TOMM40L: variants seen among roughly 807,000 people sequenced by gnomAD.
TOMM40L encodes the protein translocase of outer mitochondrial membrane 40 like.
In TOMM40L, 17 loss-of-function variants were observed where a neutral mutation model predicts 38.3. The observed-to-expected ratio is 0.44, with a 90% CI of 0.30 to 0.67. The LOEUF is 0.67. Ranked by LOEUF, TOMM40L falls within the 30% of genes least tolerant of loss-of-function variation. The pLI is 0.08. For synonymous variants in TOMM40L, 151 were observed against 150.2 expected, an observed-to-expected ratio of 1.01 and a Z score of -0.04; for missense variants, 294 against 390.0, an observed-to-expected ratio of 0.75 and a Z score of 2.07.
chr1:161,230,182 C>A lies in TOMM40L; in HGVS notation c.*1087C>A. The A allele has an allele frequency of 2.1e-6, 1 of 478,728 alleles. No homozygotes were observed. The highest frequency in any genetic ancestry group is 3.8e-6 in the Non-Finnish European group (1 of 266,366). The allele number at this position is 478,728 out of a possible 1,614,324, so 29.7% of individuals were successfully genotyped here. ...CTCTGAGAGCCGAGTGTGAAGAAAG[C>A]TCCAGACTTGGCCAGAACTCCAACC... On this transcript the variant is annotated 3_prime_UTR_variant, in exon 10 of 10. Transcript: ENST00000367988.
At chr1:161,226,807 T>C in intron 2 of TOMM40L, 81 bp from the exon 3 acceptor site, 2 of 1,515,834 alleles carry the variant, frequency 1.3e-6, no homozygotes, top group South Asian at 2.3e-5. Flanking sequence ...GTGTTCCCTA[T>C]GGGATTGAAA....
At chr1:161,226,173 G>A (rs1325089909) in intron 1 of TOMM40L, 37 bp downstream of exon 1, 2 of 284,686 alleles carry the variant, frequency 7.0e-6, no homozygotes, top group Non-Finnish European at 1.4e-5. Context: ...CTGGTCTTGG[G>A]GCCTGGGAAT....
Position 161,227,746 on chromosome 1 carries a change from A to G in TOMM40L, c.378+9A>G, listed in dbSNP as rs780373481. 7 of 1,612,936 alleles carry G rather than the reference A, an allele frequency of 4.3e-6. No individual in the cohort carries two copies. The highest frequency in any genetic ancestry group is 1.7e-5 in the Admixed American group (1 of 60,028). The stretch of plus-strand genomic sequence containing the variant: ...CTAAGGCTGTCTTCCAGGTGACCAC[A>G]GTTCCTGCCTCCATCCCCTGAGGCA... On this transcript the variant is annotated intron_variant, in intron 5 of 9. Transcript: ENST00000367988.
In TOMM40L at chr1:161,229,182, C is replaced by T; in HGVS notation, c.*87C>T. On this transcript the variant is annotated 3_prime_UTR_variant, in exon 10 of 10. Transcript: ENST00000367988. ...AGACTAGGCCCCTCTTCAGAGCCCA[C>T]CTTGCTGGGTGATCTCTAGGACCCA... 1.3e-6 allele frequency: 2 copies of T among 1,589,854 alleles called. No homozygotes were observed. Among genetic ancestry groups the T allele is most frequent in the Admixed American group, 3.4e-5 (2 of 59,058 alleles).
rs1257545845 is a variant in TOMM40L at position 161,228,214 on chromosome 1, C to A, written c.513C>A (p.Ser171Arg). 1.2e-6 allele frequency: 2 copies of A among 1,602,734 alleles called. No individual in the cohort carries two copies. The highest frequency in any genetic ancestry group is 1.7e-6 in the Non-Finnish European group (2 of 1,173,390). ...TCATGGTTGCTCACTTCCTGCAGAG[C>A]CTCACTCATCGGCTGGTGCTGGGAG... The part of the protein sequence containing the change: ...SVIMVAHFLQ[S>R]LTHRLVLGGE... Residue 171 changes from serine to arginine, a missense_variant, in exon 7 of 10, where the codon AGC becomes AGA. By Grantham distance (110) the Ser-to-Arg change is moderately radical. Coordinates refer to ENST00000367988, the MANE Select transcript of TOMM40L (RefSeq NM_032174.6).
rs77217925 is a variant in TOMM40L, at chr1:161,229,665, G to A, written c.*570G>A. On this transcript the variant is annotated 3_prime_UTR_variant, in exon 10 of 10. Coordinates refer to ENST00000367988, the MANE Select transcript of TOMM40L (RefSeq NM_032174.6). ...ATCCCCATGACCGCATGAAGAGGCA[G>A]TTATTGCTTTAGTCTTTCATTGCAA... The A allele has an allele frequency of 2.5e-4, 409 of 1,613,858 alleles. No individual in the cohort carries two copies. Among genetic ancestry groups the A allele is most frequent in the Non-Finnish European group, 2.7e-4 (320 of 1,179,928 alleles).
rs201243903 is a variant in TOMM40L, at chr1:161,229,713, G to T, written c.*618G>T. On this transcript the variant is annotated 3_prime_UTR_variant, in exon 10 of 10. Transcript: ENST00000367988. ...CAACCACTGGGCTCCCTTTGAACCC[G>T]GCCCAATCTTTGGTCCCAGCATTTT... The T allele has an allele frequency of 3.7e-6, 6 of 1,614,162 alleles. No homozygotes were observed. Among genetic ancestry groups the T allele is most frequent in the Non-Finnish European group, 5.1e-6 (6 of 1,180,022 alleles).
chr1:161,230,695 C>T lies in TOMM40L; in HGVS notation c.*1600C>T, dbSNP rs1030867572. The T allele has an allele frequency of 1.6e-5, 22 of 1,395,410 alleles. No homozygotes were observed. Among genetic ancestry groups the T allele is most frequent in the Non-Finnish European group, 2.1e-5 (21 of 1,010,022 alleles). 86.4% of individuals were successfully genotyped at this position (1,395,410 alleles called of 1,614,324 possible). A position where few individuals can be genotyped will look rare whatever the true frequency, so the allele number is the denominator to read the frequency against. On this transcript the variant is annotated 3_prime_UTR_variant, in exon 10 of 10. Transcript: ENST00000367988. ...ATGGCCAGGGGGAAGGACTAGACCC[C>T]ACGATACCTGAATTCCCTAAGGAAA...
chr1:161,226,396 C>A lies in TOMM40L; in HGVS notation c.-94C>A. The A allele has an allele frequency of 9.1e-7, 1 of 1,097,672 alleles. No individual in the cohort carries two copies. The highest frequency in any genetic ancestry group is 1.3e-6 in the Non-Finnish European group (1 of 767,248). The allele number at this position is 1,097,672 out of a possible 1,614,324, so 68.0% of individuals were successfully genotyped here. On this transcript the variant is annotated 5_prime_UTR_variant, in exon 2 of 10. Coordinates refer to ENST00000367988, the MANE Select transcript of TOMM40L (RefSeq NM_032174.6). ...TGTGGAAGTTTCTGAGGCTGGGGAG[C>A]CGGATAATGGGGGGTGGGGCCCGTT...
chr1:161,226,820 G>A, intron 2 of TOMM40L, 68 bp from the exon 3 acceptor site: 9 of 1,560,088 alleles, frequency 5.8e-6, no homozygotes, highest in Non-Finnish European at 7.9e-6. Flanking sequence ...GATTGAAAGG[G>A]GAGACTATCT....
At chr1:161,228,590 A>G in intron 8 of TOMM40L, 86 bp downstream of exon 8, 1 of 1,573,580 alleles carries the variant, frequency 6.4e-7, no homozygotes, top group Non-Finnish European at 8.7e-7. Context: ...CTGCTGACCT[A>G]TTTTTCTTCC....
intron 2 of TOMM40L, 140 bp downstream of exon 2, chr1:161,226,744 A>G: frequency 7.9e-7 from 1 of 1,260,282 alleles, no homozygotes. Flanking sequence ...CAGGTGCCCA[A>G]ATGAAGTGGA....
In TOMM40L at chr1:161,228,476, C is replaced by G; in HGVS notation, c.656C>G (p.Ala219Gly). ...AATGTGGGATCAGGCGGGGCCCATG[C>G]AAGTTACTACCACAGGGCAAATGAA... is the stretch of plus-strand genomic sequence containing the variant. ...TLNVGSGGAHASYYHRANEQV... is the reference protein window; with the variant it reads ...TLNVGSGGAHGSYYHRANEQV... The change falls in exon 8 of 10, where the codon GCA becomes GGA. Residue 219 changes from alanine to glycine, a missense_variant. Transcript: ENST00000367988. 1 of 1,614,112 alleles carries G rather than the reference C, an allele frequency of 6.2e-7. No homozygotes were observed. Among genetic ancestry groups the G allele is most frequent in the Non-Finnish European group, 8.5e-7 (1 of 1,180,010 alleles).
In TOMM40L at chr1:161,230,583, T is replaced by C; in HGVS notation, c.*1488T>C. 1 of 619,904 alleles carries C rather than the reference T, an allele frequency of 1.6e-6. No homozygotes were observed. Among genetic ancestry groups the C allele is most frequent in the African/African-American group, 1.9e-5 (1 of 53,950 alleles). 38.4% of individuals were successfully genotyped at this position (619,904 alleles called of 1,614,324 possible). A position where few individuals can be genotyped will look rare whatever the true frequency, so the allele number is the denominator to read the frequency against. ...CTGAGCTACTACTTTGCATCTGTAC[T>C]GAATAAAAAAAAAATCTGGAAAAAG... On this transcript the variant is annotated 3_prime_UTR_variant, in exon 10 of 10. Coordinates refer to ENST00000367988, the MANE Select transcript of TOMM40L (RefSeq NM_032174.6).
Position 161,228,307 on chromosome 1 carries a change from G to C in TOMM40L, c.606G>C (p.Ser202=), listed in dbSNP as rs61731576. ...TCTTGACACTGGCTGGGAAGTACTCGGGTATGGGGCGAAGTGAAGTAGTGG... is the reference window on the plus strand; with the variant it reads ...TCTTGACACTGGCTGGGAAGTACTCCGGTATGGGGCGAAGTGAAGTAGTGG... The part of the protein sequence containing the change: ...GAILTLAGKY[S]AVHWVATLNV... The change falls in exon 7 of 10, where the codon TCG becomes TCC. Residue 202 remains serine (S), a splice_region_variant and synonymous_variant. Transcript: ENST00000367988. 726 of 1,605,988 alleles carry C rather than the reference G, an allele frequency of 4.5e-4. 1 individual carries two copies. The African/African-American group carries it at 8.7e-3, about 19-fold the overall frequency.
Position 161,228,260 on chromosome 1 carries a change from C to T in TOMM40L, c.559C>T (p.Arg187Trp), listed in dbSNP as rs1350609845. 11 of 1,606,704 alleles carry T rather than the reference C, an allele frequency of 6.8e-6. No individual in the cohort carries two copies. Among genetic ancestry groups the T allele is most frequent in the African/African-American group, 2.7e-5 (2 of 74,730 alleles). ...VLGGELVYHRRPGEEGAILTL... is the reference protein window; with the variant it reads ...VLGGELVYHRWPGEEGAILTL... The stretch of plus-strand genomic sequence containing the variant: ...GGGAGGAGAGCTAGTTTATCACCGG[C>T]GGCCAGGCGAAGAGGGGGCCATCTT... Residue 187 changes from arginine to tryptophan, a missense_variant, in exon 7 of 10, where the codon CGG becomes TGG. Transcript: ENST00000367988.
rs1488592750 is a variant in TOMM40L at position 161,230,271 on chromosome 1, TA to T, written c.*1179del. The T allele has an allele frequency of 3.1e-6, 1 of 320,550 alleles. No homozygotes were observed. The highest frequency in any genetic ancestry group is 5.8e-6 in the Non-Finnish European group (1 of 172,698). The allele number at this position is 320,550 out of a possible 1,614,324, so 19.9% of individuals were successfully genotyped here. On this transcript the variant is annotated 3_prime_UTR_variant, in exon 10 of 10. Transcript: ENST00000367988. The stretch of plus-strand genomic sequence containing the variant: ...TAGAAGGTGGATGTGTTCTATGGTA[TA>T]AAGCATCCCCTTTCTGGCCAAACTA...
chr1:161,227,364 A>T lies in TOMM40L; in HGVS notation c.276+14A>T. 1 of 1,611,696 alleles carries T rather than the reference A, an allele frequency of 6.2e-7. No individual in the cohort carries two copies. Among genetic ancestry groups the T allele is most frequent in the East Asian group, 2.2e-5 (1 of 44,872 alleles). The stretch of plus-strand genomic sequence containing the variant: ...AGTCCCACTGAGGTGAGGGCTCCAC[A>T]CACCTGGGTCATCTCCCTAAAAACC... On this transcript the variant is annotated intron_variant, in intron 4 of 9. Coordinates refer to ENST00000367988, the MANE Select transcript of TOMM40L (RefSeq NM_032174.6).
In TOMM40L at chr1:161,229,648, G is replaced by T; in HGVS notation, c.*553G>T. ...CTATGGTCACCCCCACTATCCCCAT[G>T]ACCGCATGAAGAGGCAGTTATTGCT... On this transcript the variant is annotated 3_prime_UTR_variant, in exon 10 of 10. Coordinates refer to ENST00000367988, the MANE Select transcript of TOMM40L (RefSeq NM_032174.6). 4 of 1,613,110 alleles carry T rather than the reference G, an allele frequency of 2.5e-6. No homozygotes were observed. The South Asian group carries it at 3.3e-5, about 13-fold the overall frequency.
Sources: allele counts gnomAD v4.1 joint callset, GRCh38; gene constraint gnomAD v4.1.1; transcripts MANE v1.5; gene names NCBI Gene and HGNC (gene_info 2026-07-23, HGNC 2026-07-21).